The following BAALC variants were observed in gnomAD, a reference collection of about 807,000 sequenced individuals.
BAALC encodes brain and acute leukemia cytoplasmic protein.
BAALC carries 9 observed loss-of-function variants against 15.5 expected under a neutral mutation model. The observed-to-expected ratio is 0.58, with a 90% CI of 0.35 to 1.02. The LOEUF (loss-of-function observed/expected upper bound fraction) is 1.02. BAALC is among the 50% of genes least tolerant of loss of function. The probability of loss-of-function intolerance (pLI) is 0.02; values close to 1 mark genes in which losing one functional copy is unlikely to be tolerated. For synonymous variants in BAALC, 80 were observed against 74.6 expected, an observed-to-expected ratio of 1.07 and a Z score of -0.37; for missense variants, 201 against 192.4, an observed-to-expected ratio of 1.04 and a Z score of -0.27.
chr8:103,227,049 G>A (rs1812821574), intron 2 of BAALC, among the ~76,000 whole-genome samples: 1 of 152,136 alleles, frequency 6.6e-6, no homozygotes. Context: ...TCACTCAACA[G>A]TGTTTTAATA....
At chr8:103,163,174 C>T (rs542591061) in intron 1 of BAALC, among the ~76,000 whole-genome samples, 2 of 152,178 alleles carry the variant, frequency 1.3e-5, no homozygotes, top group East Asian at 3.9e-4. Flanking sequence ...CACCATTTCC[C>T]TTCCACCTCT....
At chr8:103,224,644 C>A (rs1243034935) in intron 2 of BAALC, among the ~76,000 whole-genome samples, 1 of 151,954 alleles carries the variant, frequency 6.6e-6, no homozygotes, top group Non-Finnish European at 1.5e-5. Flanking sequence ...AAAAGGGCAC[C>A]TAGCTCTTAG....
intron 1 of BAALC, among the ~76,000 whole-genome samples, chr8:103,163,352 G>A (rs1444267938): frequency 1.3e-5 from 2 of 152,048 alleles, no homozygotes; most frequent in East Asian, 1.9e-4. Context: ...GCTGCTCCCC[G>A]CCATATCTGC....
intron 1 of BAALC, among the ~76,000 whole-genome samples, chr8:103,160,440 C>T (rs1364833458): frequency 1.3e-5 from 2 of 152,112 alleles, no homozygotes; most frequent in East Asian, 3.9e-4. Flanking sequence ...TGTTCCCTGC[C>T]TCCAGACTCT....
In BAALC at chr8:103,156,368, G is replaced by A. The variant is rs138685377; in HGVS notation, c.160+15311G>A. Among the ~76,000 whole-genome samples, 3 of 152,298 alleles carry A rather than the reference G, an allele frequency of 2.0e-5. No individual in the cohort carries two copies. The East Asian group carries it at 5.8e-4, about 29-fold the overall frequency. ...ATCAAAGTATTAGAGATTTTATTATGCAAATCATGCTCTTGAGTTGGGTGG... is the reference window on the plus strand; with the variant it reads ...ATCAAAGTATTAGAGATTTTATTATACAAATCATGCTCTTGAGTTGGGTGG... On this transcript the variant is annotated intron_variant, in intron 1 of 2. Transcript: ENST00000309982.
intron 1 of BAALC, among the ~76,000 whole-genome samples, chr8:103,192,533 T>C (rs1304480669): frequency 1.3e-5 from 2 of 152,220 alleles, no homozygotes; most frequent in African/African-American, 4.8e-5. Context: ...TCTTTCTAAA[T>C]AGTCAGTTGC....
At chr8:103,166,550 G>T (rs950845226) in intron 1 of BAALC, among the ~76,000 whole-genome samples, 4 of 152,140 alleles carry the variant, frequency 2.6e-5, no homozygotes, top group Admixed American at 2.6e-4. Flanking sequence ...AGTGACACTG[G>T]CAAGGAGATT....
intron 1 of BAALC, chr8:103,141,436 C>T: frequency 4.9e-6 from 1 of 204,812 alleles, no homozygotes; most frequent in Non-Finnish European, 9.7e-6. Flanking sequence ...GGCCCATCTG[C>T]CATCCCCTGG....
At position 103,213,249 on chromosome 8, in the gene BAALC, C is replaced by T. The variant is rs570658816; in HGVS notation, c.327+164C>T. ...CATGTAAAAATTGCTGCAAACCCCA[C>T]CCCAAAACCCTGCCTTGAGGGTTGC... On this transcript the variant is annotated intron_variant, in intron 2 of 2. Transcript: ENST00000309982. 4.9e-4 allele frequency: 342 copies of T among 704,844 alleles called. 2 individuals are homozygous for T. The highest frequency in any genetic ancestry group is 6.0e-4 in the Non-Finnish European group (267 of 447,736). The allele number at this position is 704,844 out of a possible 1,614,324, so 43.7% of individuals were successfully genotyped here. A position where few individuals can be genotyped will look rare whatever the true frequency, so the allele number is the denominator to read the frequency against.
At chr8:103,183,689 C>A (rs1811774830) in intron 1 of BAALC, among the ~76,000 whole-genome samples, 1 of 152,162 alleles carries the variant, frequency 6.6e-6, no homozygotes, top group African/African-American at 2.4e-5. Flanking sequence ...AGCTATCCAG[C>A]CCCACCACCT....
chr8:103,141,247 C>A, intron 1 of BAALC, 190 bp downstream of exon 1: 1 of 610,444 alleles, frequency 1.6e-6, no homozygotes, highest in Non-Finnish European at 2.5e-6. Flanking sequence ...CGACCAGAGC[C>A]CCTTACCGAA....
intron 1 of BAALC, among the ~76,000 whole-genome samples, chr8:103,195,233 G>A (rs972435880): frequency 6.6e-6 from 1 of 152,064 alleles, no homozygotes; most frequent in Non-Finnish European, 1.5e-5. Context: ...ATATGACTCT[G>A]GTCTACATGA....
At chr8:103,158,606 A>G (rs981807614) in intron 1 of BAALC, among the ~76,000 whole-genome samples, 1 of 152,196 alleles carries the variant, frequency 6.6e-6, no homozygotes, top group Non-Finnish European at 1.5e-5. Context: ...CTGAACACCA[A>G]GAGGGCTACA....
intron 1 of BAALC, among the ~76,000 whole-genome samples, chr8:103,167,262 C>A (rs1047177468): frequency 1.3e-5 from 2 of 152,048 alleles, no homozygotes; most frequent in African/African-American, 4.8e-5. Context: ...ATGTAGGGTG[C>A]GCTTTCAAAG....
At chr8:103,143,103 G>A (rs1048422884) in intron 1 of BAALC, among the ~76,000 whole-genome samples, 1 of 152,256 alleles carries the variant, frequency 6.6e-6, no homozygotes, top group East Asian at 1.9e-4. Flanking sequence ...CTTCTTTGGG[G>A]GTGTACTGGC....
chr8:103,147,470 G>C (rs774225322), intron 1 of BAALC, among the ~76,000 whole-genome samples: 66 of 152,196 alleles, frequency 4.3e-4, no homozygotes, highest in Admixed American at 1.2e-3. Context: ...AAACATTGCA[G>C]ATTTTTTTTT....
chr8:103,145,586 T>C (rs139662102), intron 1 of BAALC, among the ~76,000 whole-genome samples: 262 of 152,360 alleles, frequency 1.7e-3, no homozygotes, highest in African/African-American at 4.6e-3. Flanking sequence ...TTGGTGCATG[T>C]AAAATCAGGT....
At chr8:103,175,197 C>T (rs1198340884) in intron 1 of BAALC, among the ~76,000 whole-genome samples, 1 of 152,200 alleles carries the variant, frequency 6.6e-6, no homozygotes, top group Non-Finnish European at 1.5e-5. Context: ...CCAGAGACCT[C>T]ATCTCTGCTT....
intron 2 of BAALC, among the ~76,000 whole-genome samples, chr8:103,216,784 G>T (rs1261999012): frequency 6.6e-6 from 1 of 152,224 alleles, no homozygotes; most frequent in Non-Finnish European, 1.5e-5. Context: ...CCACTACCAA[G>T]TATTTATTCA....
Sources: allele counts gnomAD v4.1 joint callset (sites outside exome capture counted in the v4.1 genomes callset), GRCh38; gene constraint gnomAD v4.1.1; transcripts MANE v1.5; gene names NCBI Gene and HGNC (gene_info 2026-07-23, HGNC 2026-07-21).